The following PCDHGA10 variants were observed in gnomAD, a reference collection of about 807,000 sequenced individuals.
PCDHGA10 encodes the protein protocadherin gamma-A10.
In PCDHGA10, 42 loss-of-function variants were observed where a neutral mutation model predicts 59.5. The observed-to-expected ratio is 0.71, with a 90% CI of 0.55 to 0.91. The LOEUF is 0.91. Among genes scored for constraint, PCDHGA10 ranks in the 40% least tolerant of loss-of-function variants. The pLI, the probability that PCDHGA10 is intolerant of heterozygous loss-of-function variation, is 0.00. For missense variants in PCDHGA10, 1,111 were observed against 1,198.2 expected, an observed-to-expected ratio of 0.93 and a Z score of 1.07; for synonymous variants, 511 against 517.2, an observed-to-expected ratio of 0.99 and a Z score of 0.16.
chr5:141,434,010 T>C (rs772136259), intron 1 of PCDHGA10, among the ~76,000 whole-genome samples: 26 of 152,224 alleles, frequency 1.7e-4, no homozygotes, highest in Non-Finnish European at 3.1e-4. Flanking sequence ...TATATGTTTG[T>C]TTCTATGATT....
chr5:141,453,930 T>G (rs944390811), intron 1 of PCDHGA10, among the ~76,000 whole-genome samples: 10 of 152,242 alleles, frequency 6.6e-5, no homozygotes, highest in Non-Finnish European at 1.0e-4. Flanking sequence ...AGTCACTGTG[T>G]GCCTATAATT....
chr5:141,455,314 T>G (rs565911988), intron 1 of PCDHGA10, among the ~76,000 whole-genome samples: 15 of 152,208 alleles, frequency 9.9e-5, no homozygotes, highest in African/African-American at 3.4e-4. Flanking sequence ...ATTAGCAATT[T>G]TGTGTGTGTG....
chr5:141,422,520 G>T, intron 1 of PCDHGA10: 2 of 1,613,946 alleles, frequency 1.2e-6, no homozygotes, highest in Middle Eastern at 1.6e-4. Flanking sequence ...AGGGAAGCCC[G>T]CCTTTGTCTG....
chr5:141,462,462 T>G (rs570804965), intron 1 of PCDHGA10, among the ~76,000 whole-genome samples: 1 of 152,346 alleles, frequency 6.6e-6, no homozygotes, highest in Middle Eastern at 3.4e-3. Flanking sequence ...CTGAAAACTG[T>G]GTATTCTGCT....
chr5:141,431,571 A>T lies in PCDHGA10; in HGVS notation c.2436+15960A>T, dbSNP rs781289120. 1.2e-6 allele frequency: 2 copies of T among 1,614,026 alleles called. No homozygotes were observed. Among genetic ancestry groups the T allele is most frequent in the African/African-American group, 1.3e-5 (1 of 74,938 alleles). On this transcript the variant is annotated intron_variant, in intron 1 of 3. Coordinates refer to ENST00000398610, the MANE Select transcript of PCDHGA10 (RefSeq NM_018913.3). This position sits in a 1 kb window ranked among gnomAD's most constrained non-coding sequence, Gnocchi z 4.8. ...GTAGTCAACGCTACCGACCCTGACG[A>T]AGGAGTCAATGCGGAAGTGAGGTAT...
At position 141,476,752 on chromosome 5, in the gene PCDHGA10, A is replaced by C. The variant is rs771355583; in HGVS notation, c.2437-18055A>C. The C allele has an allele frequency of 6.2e-7, 1 of 1,613,926 alleles. No homozygotes were observed. The highest frequency in any genetic ancestry group is 1.1e-5 in the South Asian group (1 of 91,080). Reference sequence around the variant, plus strand: ...GAGAACGGGAGCCTAGTCTCCAGTTAGTGCTGACGGCGTTGGACGGAGGGA... The same window carrying C: ...GAGAACGGGAGCCTAGTCTCCAGTTCGTGCTGACGGCGTTGGACGGAGGGA... On this transcript the variant is annotated intron_variant, in intron 1 of 3. Transcript: ENST00000398610. The surrounding 1 kb of genome is among the most constrained non-coding windows in gnomAD (Gnocchi z 7.6).
At chr5:141,459,845 T>C (rs914128032) in intron 1 of PCDHGA10, among the ~76,000 whole-genome samples, 1 of 152,232 alleles carries the variant, frequency 6.6e-6, no homozygotes, top group Admixed American at 6.5e-5. Flanking sequence ...TCTATTTGTA[T>C]ATCTTCTTGA....
Position 141,489,101 on chromosome 5 carries a change from T to C in PCDHGA10, c.2437-5706T>C. The C allele has an allele frequency of 2.5e-6, 1 of 398,412 alleles. No homozygotes were observed. The highest frequency in any genetic ancestry group is 4.3e-5 in the South Asian group (1 of 23,096). The allele number at this position is 398,412 out of a possible 1,614,324, so 24.7% of individuals were successfully genotyped here. A position where few individuals can be genotyped will look rare whatever the true frequency, so the allele number is the denominator to read the frequency against. ...CCGCCACTCGGTGACTAAGAACTGC[T>C]GCAAGCAGGCAAACCTCCGAGCAGT... On this transcript the variant is annotated intron_variant, in intron 1 of 3. Coordinates refer to ENST00000398610, the MANE Select transcript of PCDHGA10 (RefSeq NM_018913.3). The surrounding 1 kb of genome is among the most constrained non-coding windows in gnomAD (Gnocchi z 4.5).
chr5:141,484,897 A>G (rs2099602925), intron 1 of PCDHGA10: 2 of 392,698 alleles, frequency 5.1e-6, no homozygotes, highest in Middle Eastern at 7.1e-4. Flanking sequence ...TTTCCCCTCC[A>G]ATGCTGCGAC....
Position 141,489,934 on chromosome 5 carries a change from G to A in PCDHGA10, c.2437-4873G>A, listed in dbSNP as rs777780708. 1.7e-5 allele frequency: 28 copies of A among 1,614,176 alleles called. No homozygotes were observed. Among genetic ancestry groups the A allele is most frequent in the East Asian group, 6.7e-5 (3 of 44,876 alleles). On this transcript the variant is annotated intron_variant, in intron 1 of 3. Coordinates refer to ENST00000398610, the MANE Select transcript of PCDHGA10 (RefSeq NM_018913.3). This position sits in a 1 kb window ranked among gnomAD's most constrained non-coding sequence, Gnocchi z 4.5. ...AGGGACCACCCTTATCTCTGTCATCGTGCTGGACATCAATGATAATGCTCC... is the reference window on the plus strand; with the variant it reads ...AGGGACCACCCTTATCTCTGTCATCATGCTGGACATCAATGATAATGCTCC...
rs922592733 is a variant in PCDHGA10 at position 141,487,979 on chromosome 5, C to T, written c.2437-6828C>T. Among the ~76,000 whole-genome samples the T allele has an allele frequency of 1.3e-5, 2 of 152,178 alleles. No individual in the cohort carries two copies. Among genetic ancestry groups the T allele is most frequent in the African/African-American group, 4.8e-5 (2 of 41,442 alleles). The stretch of plus-strand genomic sequence containing the variant: ...TGGACAAAGGTGGCTGTTTTCTCTA[C>T]TCTTCCTGAAAGAGGGGATCAGATT... On this transcript the variant is annotated intron_variant, in intron 1 of 3. Coordinates refer to ENST00000398610, the MANE Select transcript of PCDHGA10 (RefSeq NM_018913.3). The surrounding 1 kb of genome is among the most constrained non-coding windows in gnomAD (Gnocchi z 5.0).
intron 1 of PCDHGA10, among the ~76,000 whole-genome samples, chr5:141,435,314 G>C (rs1490871069): frequency 6.6e-6 from 1 of 152,006 alleles, no homozygotes; most frequent in African/African-American, 2.4e-5. Flanking sequence ...AATCATTCAT[G>C]AACTTCCAAA....
rs1369821635 is a variant in PCDHGA10, at chr5:141,512,208, G to T, written c.*1035G>T. ...TTCAGTCCAAGGAAGCTCGAAGCAG[G>T]TTTAGGACCAGGTCCCCTTGAGAGG... On this transcript the variant is annotated 3_prime_UTR_variant, in exon 4 of 4. Coordinates refer to ENST00000398610, the MANE Select transcript of PCDHGA10 (RefSeq NM_018913.3). 6.5e-6 allele frequency: 1 copy of T among 152,758 alleles called. No homozygotes were observed. The highest frequency in any genetic ancestry group is 2.4e-5 in the African/African-American group (1 of 41,454). The allele number at this position is 152,758 out of a possible 1,614,324, so 9.5% of individuals were successfully genotyped here.
chr5:141,451,299 A>T (rs1016384424), intron 1 of PCDHGA10, among the ~76,000 whole-genome samples: 17 of 152,228 alleles, frequency 1.1e-4, no homozygotes, highest in African/African-American at 3.4e-4. Flanking sequence ...AAAGTCTTAC[A>T]AGGCAGCAAT....
At chr5:141,441,862 G>A (rs2098280399) in intron 1 of PCDHGA10, 3 of 342,456 alleles carry the variant, frequency 8.8e-6, no homozygotes, top group Non-Finnish European at 1.1e-5. Context: ...GCTGCACGCC[G>A]CGGAGCCTGG....
At chr5:141,462,302 A>C (rs2099036796) in intron 1 of PCDHGA10, among the ~76,000 whole-genome samples, 1 of 152,222 alleles carries the variant, frequency 6.6e-6, no homozygotes, top group African/African-American at 2.4e-5. Context: ...GTATTACCCA[A>C]ATATATTTGT....
chr5:141,466,552 G>C lies in PCDHGA10; in HGVS notation c.2437-28255G>C, dbSNP rs913019489. On this transcript the variant is annotated intron_variant, in intron 1 of 3. Coordinates refer to ENST00000398610, the MANE Select transcript of PCDHGA10 (RefSeq NM_018913.3). ...ATTGATGTAGATGGTCTTTTGCTGTGGGCTTCATCTTCAACATTGTCTCAT... is the reference window on the plus strand; with the variant it reads ...ATTGATGTAGATGGTCTTTTGCTGTCGGCTTCATCTTCAACATTGTCTCAT... 2.6e-5 allele frequency among the ~76,000 whole-genome samples: 4 copies of C among 152,144 alleles called. No homozygotes were observed. The South Asian group carries it at 8.3e-4, about 32-fold the overall frequency.
rs772328241 is a variant in PCDHGA10 at position 141,491,340 on chromosome 5, C to A, written c.2437-3467C>A. On this transcript the variant is annotated intron_variant, in intron 1 of 3. Coordinates refer to ENST00000398610, the MANE Select transcript of PCDHGA10 (RefSeq NM_018913.3). The surrounding 1 kb of genome is among the most constrained non-coding windows in gnomAD (Gnocchi z 6.9). ...TTTACCTCATTGTGGCTCTAGCGACCGTCAGTCTCTTATCCCTAGTCACCT... is the reference window on the plus strand; with the variant it reads ...TTTACCTCATTGTGGCTCTAGCGACAGTCAGTCTCTTATCCCTAGTCACCT... 4.3e-6 allele frequency: 7 copies of A among 1,614,146 alleles called. No homozygotes were observed. Among genetic ancestry groups the A allele is most frequent in the Non-Finnish European group, 5.9e-6 (7 of 1,180,014 alleles).
intron 1 of PCDHGA10, among the ~76,000 whole-genome samples, chr5:141,459,059 A>G (rs1219921155): frequency 2.6e-5 from 4 of 152,228 alleles, no homozygotes; most frequent in African/African-American, 4.8e-5. Context: ...AGTATAATTT[A>G]TATAACATAA....
Sources: allele counts gnomAD v4.1 joint callset (sites outside exome capture counted in the v4.1 genomes callset), GRCh38; gene constraint gnomAD v4.1.1; non-coding constraint Gnocchi (gnomAD v3.1); transcripts MANE v1.5; gene names NCBI Gene and HGNC (gene_info 2026-07-23, HGNC 2026-07-21).